ST7: variants seen among roughly 807,000 people sequenced by gnomAD.
ST7 encodes suppression of tumorigenicity 7.
A neutral mutation model predicts 78.7 loss-of-function variants in ST7; 28 were observed. That is an observed-to-expected ratio of 0.36 (90% CI 0.26 to 0.49). ST7 has a LOEUF of 0.49. Ranked by LOEUF, ST7 falls within the 20% of genes least tolerant of loss-of-function variation. ST7 has a pLI of 0.99. For missense variants in ST7, 418 were observed against 696.0 expected, an observed-to-expected ratio of 0.60 and a Z score of 4.49; for synonymous variants, 247 against 249.6, an observed-to-expected ratio of 0.99 and a Z score of 0.10.
intron 10 of ST7, among the ~76,000 whole-genome samples, chr7:117,172,001 A>G (rs1368050163): frequency 6.7e-6 from 1 of 149,114 alleles, no homozygotes. Context: ...CCCCAGATGG[A>G]GTATAGTGGT....
At chr7:117,148,861 G>A (rs954855602) in intron 9 of ST7, among the ~76,000 whole-genome samples, 4 of 152,140 alleles carry the variant, frequency 2.6e-5, no homozygotes, top group African/African-American at 9.7e-5. Context: ...TGGGCTGGCA[G>A]GGTTGCTTCT....
At chr7:117,001,779 T>C (rs1184599990) in intron 1 of ST7, among the ~76,000 whole-genome samples, 1 of 152,194 alleles carries the variant, frequency 6.6e-6, no homozygotes, top group Non-Finnish European at 1.5e-5. Context: ...ATTTTTCTTA[T>C]TCTTCCCTCC....
At chr7:117,210,365 G>A (rs1333876802) in intron 13 of ST7, among the ~76,000 whole-genome samples, 3 of 152,146 alleles carry the variant, frequency 2.0e-5, no homozygotes, top group African/African-American at 4.8e-5. Context: ...GAACCAGACC[G>A]GCCATCCAAA....
At chr7:117,189,281 C>A in intron 10 of ST7, 40 bp from the exon 11 acceptor site, 1 of 1,501,406 alleles carries the variant, frequency 6.7e-7, no homozygotes. Context: ...TCTTTGTTAC[C>A]TGCAAACTTA....
intron 1 of ST7, among the ~76,000 whole-genome samples, chr7:117,069,587 G>C (rs1299812078): frequency 6.6e-6 from 1 of 152,050 alleles, no homozygotes; most frequent in Non-Finnish European, 1.5e-5. Flanking sequence ...ACTCCTTTTT[G>C]TGTTCCTTTG....
chr7:117,181,023 T>C (rs1808716829), intron 10 of ST7, among the ~76,000 whole-genome samples: 2 of 152,182 alleles, frequency 1.3e-5, no homozygotes, highest in African/African-American at 4.8e-5. Flanking sequence ...TTAATATAAC[T>C]TACTTTATGC....
intron 1 of ST7, among the ~76,000 whole-genome samples, chr7:116,985,792 A>G (rs1794164038): frequency 6.6e-6 from 1 of 152,230 alleles, no homozygotes; most frequent in African/African-American, 2.4e-5. Flanking sequence ...AATAGCTGAC[A>G]TAGCCAGTTT....
intron 1 of ST7, among the ~76,000 whole-genome samples, chr7:116,999,945 G>C (rs1477994777): frequency 6.6e-6 from 1 of 151,072 alleles, no homozygotes; most frequent in African/African-American, 2.4e-5. Flanking sequence ...CAAGTAGCTG[G>C]GACTACAGGT....
intron 1 of ST7, 48 bp from the exon 2 acceptor site, chr7:117,099,714 C>G (rs1426246125): frequency 7.2e-7 from 1 of 1,386,596 alleles, no homozygotes; most frequent in South Asian, 1.2e-5. Flanking sequence ...TACTGACATA[C>G]TCATACATTC....
intron 1 of ST7, among the ~76,000 whole-genome samples, chr7:117,033,879 C>A (rs543467792): frequency 6.6e-6 from 1 of 152,282 alleles, no homozygotes; most frequent in Admixed American, 6.5e-5. Flanking sequence ...GTTTCTTACC[C>A]TGTAAAGTAG....
At chr7:117,102,787 C>T (rs945322590) in intron 2 of ST7, among the ~76,000 whole-genome samples, 2 of 151,990 alleles carry the variant, frequency 1.3e-5, no homozygotes, top group African/African-American at 2.4e-5. Flanking sequence ...AGGAAGAAGT[C>T]AAGTGAGCCC....
At chr7:117,134,292 T>C in intron 7 of ST7, 100 bp downstream of exon 7, 1 of 1,548,836 alleles carries the variant, frequency 6.5e-7, no homozygotes, top group Admixed American at 1.7e-5. Context: ...TTCTTGCTTC[T>C]GTATGTGTAT....
chr7:117,020,046 G>A (rs1795801013), intron 1 of ST7: 1 of 152,260 alleles, frequency 6.6e-6, no homozygotes. Flanking sequence ...ATGAAGAGCT[G>A]CGCAGGAGGG....
At chr7:116,976,700 A>G (rs566921309) in intron 1 of ST7, among the ~76,000 whole-genome samples, 5 of 152,218 alleles carry the variant, frequency 3.3e-5, no homozygotes, top group Non-Finnish European at 1.5e-5. Flanking sequence ...CTGCAAAGTT[A>G]TCTGGCAATG....
At chr7:117,045,768 A>G (rs779381303) in intron 1 of ST7, among the ~76,000 whole-genome samples, 7 of 152,246 alleles carry the variant, frequency 4.6e-5, no homozygotes, top group Non-Finnish European at 7.3e-5. Flanking sequence ...TTGCTGACCA[A>G]TAAAACCTGT....
intron 2 of ST7, chr7:117,117,808 G>C (rs1803009178): frequency 6.6e-6 from 1 of 152,130 alleles, no homozygotes; most frequent in Non-Finnish European, 1.5e-5. Context: ...TGTTTTACAT[G>C]GGGTTAGTAT....
chr7:117,083,755 A>G (rs554921557), intron 1 of ST7, among the ~76,000 whole-genome samples: 145 of 152,332 alleles, frequency 9.5e-4, no homozygotes, highest in African/African-American at 3.4e-3. Flanking sequence ...TTAATTCTCA[A>G]GAAAGAAAAA....
intron 1 of ST7, among the ~76,000 whole-genome samples, chr7:117,083,389 G>A (rs1584605204): frequency 6.6e-6 from 1 of 152,090 alleles, no homozygotes; most frequent in East Asian, 1.9e-4. Context: ...CCGAGTAGTT[G>A]GGATTACAGG....
intron 1 of ST7, among the ~76,000 whole-genome samples, chr7:117,050,803 G>A (rs1274696150): frequency 6.6e-6 from 1 of 151,760 alleles, no homozygotes; most frequent in African/African-American, 2.4e-5. Context: ...GATGGCGCAC[G>A]CCTGTAGTCC....
Sources: allele counts gnomAD v4.1 joint callset (sites outside exome capture counted in the v4.1 genomes callset), GRCh38; gene constraint gnomAD v4.1.1; transcripts MANE v1.5; gene names NCBI Gene and HGNC (gene_info 2026-07-23, HGNC 2026-07-21).